The following C1orf94 variants were observed in gnomAD, a reference collection of about 807,000 sequenced individuals.
C1orf94 encodes uncharacterized protein C1orf94.
A neutral mutation model predicts 53.6 loss-of-function variants in C1orf94; 45 were observed. The ratio of observed to expected loss-of-function variants is 0.84; its 90% CI spans 0.66 to 1.08. C1orf94 has a LOEUF of 1.08. Ranked by LOEUF, C1orf94 falls within the 50% of genes least tolerant of loss-of-function variation. C1orf94 has a pLI of 0.00. For missense variants in C1orf94, 762 were observed against 738.9 expected (o/e 1.03, Z -0.36); for synonymous variants, 304 against 296.1 (o/e 1.03, Z -0.27).
intron 1 of C1orf94, among the ~76,000 whole-genome samples, chr1:34,184,290 G>A (rs1200914102): frequency 2.0e-5 from 3 of 152,206 alleles, no homozygotes; most frequent in Non-Finnish European, 4.4e-5. Flanking sequence ...CCAGCAGCAG[G>A]CGCAGGGAAA....
chr1:34,215,311 G>A (rs984288616), intron 6 of C1orf94, among the ~76,000 whole-genome samples: 1 of 152,228 alleles, frequency 6.6e-6, no homozygotes, highest in Non-Finnish European at 1.5e-5. Flanking sequence ...AAAATAAGAG[G>A]TAGCCAGGGC....
chr1:34,208,350 G>A, intron 5 of C1orf94, 116 bp downstream of exon 5: 6 of 1,024,768 alleles, frequency 5.9e-6, no homozygotes, highest in South Asian at 1.5e-5. Context: ...CCCACCATTG[G>A]CTCTGGAGTA....
In C1orf94 at chr1:34,202,286, T is replaced by G. The variant is rs771566958; in HGVS notation, c.1446+27T>G. 8 of 1,609,092 alleles carry G rather than the reference T, an allele frequency of 5.0e-6. No homozygotes were observed. In the South Asian group the frequency reaches 8.9e-5, roughly 18 times the overall value. On this transcript the variant is annotated intron_variant, in intron 4 of 6. Coordinates refer to ENST00000488417, the MANE Select transcript of C1orf94 (RefSeq NM_001134734.2). ...TCAGTGAGCTGGCCTGGCTCTCCTG[T>G]GGACATCCACGGGGGTTTTGGCCAC...
chr1:34,215,182 T>C (rs1478020151), intron 6 of C1orf94, among the ~76,000 whole-genome samples: 1 of 150,788 alleles, frequency 6.6e-6, no homozygotes, highest in Non-Finnish European at 1.5e-5. Context: ...GATGAGAGAA[T>C]GAACCACACA....
At chr1:34,215,751 A>T (rs1642976842) in intron 6 of C1orf94, among the ~76,000 whole-genome samples, 1 of 152,220 alleles carries the variant, frequency 6.6e-6, no homozygotes, top group Non-Finnish European at 1.5e-5. Context: ...CACGCCTGTA[A>T]TCCCAGCACT....
At chr1:34,185,131 C>A (rs529919979) in intron 1 of C1orf94, among the ~76,000 whole-genome samples, 4 of 152,014 alleles carry the variant, frequency 2.6e-5, no homozygotes, top group Non-Finnish European at 5.9e-5. Context: ...GCTCTGAGAC[C>A]CAACCCTTAA....
chr1:34,203,157 A>G (rs1250146116), intron 4 of C1orf94, among the ~76,000 whole-genome samples: 3 of 152,086 alleles, frequency 2.0e-5, no homozygotes, highest in Admixed American at 6.6e-5. Context: ...ATTTTATTTG[A>G]GACAGAGTCT....
intron 6 of C1orf94, among the ~76,000 whole-genome samples, chr1:34,213,825 G>GCCA (rs1384562414): frequency 6.6e-6 from 1 of 152,062 alleles, no homozygotes; most frequent in Non-Finnish European, 1.5e-5. Flanking sequence ...ACAGCCATGA[G>GCCA]CCACCGTGCC....
At chr1:34,210,280 C>G (rs530499780) in intron 5 of C1orf94, among the ~76,000 whole-genome samples, 92 of 152,192 alleles carry the variant, frequency 6.0e-4, no homozygotes, top group Non-Finnish European at 9.4e-4. Context: ...GCGAGGTGCT[C>G]TTGGCATGTT....
intron 4 of C1orf94, among the ~76,000 whole-genome samples, chr1:34,202,823 G>A (rs1642733907): frequency 6.6e-6 from 1 of 152,158 alleles, no homozygotes; most frequent in Admixed American, 6.6e-5. Context: ...GTATCCATGG[G>A]TTCCAAATCC....
upstream of C1orf94, among the ~76,000 whole-genome samples, chr1:34,172,269 G>C (rs1457863346): frequency 6.6e-6 from 1 of 152,170 alleles, no homozygotes; most frequent in African/African-American, 2.4e-5. Context: ...CTTTTATTCT[G>C]TCATCTAGGA....
chr1:34,199,158 G>A (rs1642651752), intron 2 of C1orf94, among the ~76,000 whole-genome samples: 1 of 152,208 alleles, frequency 6.6e-6, no homozygotes, highest in Non-Finnish European at 1.5e-5. Context: ...TGTCTGTCAT[G>A]TATGTACTTG....
At chr1:34,200,507 A>G (rs547633650) in intron 2 of C1orf94, among the ~76,000 whole-genome samples, 2 of 152,270 alleles carry the variant, frequency 1.3e-5, no homozygotes, top group East Asian at 3.9e-4. Flanking sequence ...GACGGATAGA[A>G]GGAAGAAAGG....
Position 34,200,950 on chromosome 1 carries a change from T to C in C1orf94, c.1188T>C (p.Tyr396=). 6.2e-7 allele frequency: 1 copy of C among 1,613,986 alleles called. No homozygotes were observed. The highest frequency in any genetic ancestry group is 8.5e-7 in the Non-Finnish European group (1 of 1,179,968). ...GTCCAGCCGAGAAGAACTTGCTCTA[T>C]GAGTTCCTTGGGGCCACCAAGAACC... ...PTCPAEKNLL[Y]EFLGATKNPS... Residue 396 remains tyrosine, a synonymous_variant, in exon 3 of 7, where the codon TAT becomes TAC. Transcript: ENST00000488417.
intron 1 of C1orf94, among the ~76,000 whole-genome samples, chr1:34,169,284 C>G (rs1209671936): frequency 6.6e-6 from 1 of 152,180 alleles, no homozygotes; most frequent in Admixed American, 6.5e-5. Context: ...CTACCCGCAT[C>G]TAGCCTAGGA....
At chr1:34,174,633 G>A (rs1190944721), upstream of C1orf94, among the ~76,000 whole-genome samples, 1 of 152,200 alleles carries the variant, frequency 6.6e-6, no homozygotes, top group African/African-American at 2.4e-5. Flanking sequence ...TGAGGACATA[G>A]GGAGAACACA....
At chr1:34,208,427 C>A (rs1039859247) in intron 5 of C1orf94, among the ~76,000 whole-genome samples, 193 bp downstream of exon 5, 1 of 152,192 alleles carries the variant, frequency 6.6e-6, no homozygotes, top group African/African-American at 2.4e-5. Flanking sequence ...ACACTGGGCA[C>A]TTAATGGAGC....
At position 34,207,262 on chromosome 1, in the gene C1orf94, G is replaced by GGTGTGTGTGT. The variant is rs58794132; in HGVS notation, c.1447-862_1447-853dup. ...CACTGCCACAGCAGCAGTTCTGCGG[G>GGTGTGTGTGT]GTGTGTGTGTGTGTGTGTGTGTGTG... On this transcript the variant is annotated intron_variant, in intron 4 of 6. Coordinates refer to ENST00000488417, the MANE Select transcript of C1orf94 (RefSeq NM_001134734.2). Among the ~76,000 whole-genome samples the GGTGTGTGTGT allele has an allele frequency of 5.5e-3, 807 of 147,432 alleles. 7 individuals are homozygous for GGTGTGTGTGT. The highest frequency in any genetic ancestry group is 0.019 in the African/African-American group (757 of 39,868).
At chr1:34,215,773 A>C (rs1265137273) in intron 6 of C1orf94, among the ~76,000 whole-genome samples, 7 of 152,178 alleles carry the variant, frequency 4.6e-5, no homozygotes. Context: ...TCGGAGACCG[A>C]GGTGGGTGGA....
Sources: allele counts gnomAD v4.1 joint callset (sites outside exome capture counted in the v4.1 genomes callset), GRCh38; gene constraint gnomAD v4.1.1; transcripts MANE v1.5; gene names NCBI Gene and HGNC (gene_info 2026-07-23, HGNC 2026-07-21).